FRMD5: variants seen among roughly 807,000 people sequenced by gnomAD.
FRMD5 encodes the protein FERM domain containing 5.
FRMD5 carries 20 observed loss-of-function variants against 69.0 expected under a neutral mutation model. The ratio of observed to expected loss-of-function variants is 0.29; its 90% CI spans 0.20 to 0.42. The LOEUF (loss-of-function observed/expected upper bound fraction) is 0.42. Ranked by LOEUF, FRMD5 falls within the 10% of genes least tolerant of loss-of-function variation. The pLI is 1.00. For synonymous variants in FRMD5, 271 were observed against 260.1 expected (o/e 1.04, Z -0.40); for missense variants, 595 against 708.6 (o/e 0.84, Z 1.82).
chr15:43,878,927 C>CTT (rs1567205006), intron 13 of FRMD5, among the ~76,000 whole-genome samples: 1 of 132,630 alleles, frequency 7.5e-6, no homozygotes, highest in Non-Finnish European at 1.6e-5. Context: ...TTTTTTTTTT[C>CTT]TTTTCTTTTT....
At chr15:44,080,206 T>G (rs1016178190) in intron 1 of FRMD5, among the ~76,000 whole-genome samples, 2 of 152,122 alleles carry the variant, frequency 1.3e-5, no homozygotes, top group African/African-American at 4.8e-5. Flanking sequence ...TTGTTTGAAT[T>G]TCCAAACCCA....
intron 1 of FRMD5, among the ~76,000 whole-genome samples, chr15:44,133,579 A>C (rs1443822798): frequency 3.1e-5 from 4 of 127,458 alleles, no homozygotes; most frequent in Non-Finnish European, 6.0e-5. Context: ...TCTGTCTCAA[A>C]AAAAAAAAAA....
chr15:43,893,616 G>A (rs1595489923), intron 7 of FRMD5, among the ~76,000 whole-genome samples: 2 of 152,342 alleles, frequency 1.3e-5, no homozygotes, highest in South Asian at 2.1e-4. Flanking sequence ...CTGGTCAAAT[G>A]TGCCTGCAGG....
chr15:43,953,093 A>G (rs888669948), intron 1 of FRMD5, among the ~76,000 whole-genome samples: 1 of 152,198 alleles, frequency 6.6e-6, no homozygotes, highest in African/African-American at 2.4e-5. Context: ...TTTAGATGTG[A>G]TAGGAGCCTT....
At chr15:44,064,925 T>C (rs1893246445) in intron 1 of FRMD5, among the ~76,000 whole-genome samples, 2 of 152,164 alleles carry the variant, frequency 1.3e-5, no homozygotes, top group African/African-American at 4.8e-5. Context: ...TATTACACAA[T>C]AAAAACATAG....
chr15:44,052,564 T>C (rs754366372), intron 1 of FRMD5, among the ~76,000 whole-genome samples: 3 of 151,274 alleles, frequency 2.0e-5, no homozygotes, highest in Non-Finnish European at 1.5e-5. Context: ...ATTTCCAGAA[T>C]CAAAATATTG....
At chr15:43,996,617 C>G (rs1889936282) in intron 1 of FRMD5, among the ~76,000 whole-genome samples, 1 of 149,304 alleles carries the variant, frequency 6.7e-6, no homozygotes. Context: ...ATTTCACCAT[C>G]TAGCTGATGT....
chr15:43,967,656 C>A (rs1298563317), intron 1 of FRMD5, among the ~76,000 whole-genome samples: 3 of 152,108 alleles, frequency 2.0e-5, no homozygotes, highest in African/African-American at 4.8e-5. Context: ...CGAGGCTGCA[C>A]TGTTAGTACA....
chr15:43,976,411 G>A (rs923876592), intron 1 of FRMD5, among the ~76,000 whole-genome samples: 5 of 152,158 alleles, frequency 3.3e-5, no homozygotes, highest in Non-Finnish European at 7.4e-5. Context: ...CTTGCATGTA[G>A]AATAAAAAGA....
intron 13 of FRMD5, among the ~76,000 whole-genome samples, chr15:43,882,652 C>T (rs1412115902): frequency 6.6e-6 from 1 of 152,114 alleles, no homozygotes; most frequent in Non-Finnish European, 1.5e-5. Flanking sequence ...AGCCACTGCC[C>T]AGCCAACGGG....
chr15:44,152,862 G>A (rs1175737218), intron 1 of FRMD5, among the ~76,000 whole-genome samples: 3 of 131,066 alleles, frequency 2.3e-5, no homozygotes, highest in South Asian at 5.5e-4. Context: ...TTATTAAACT[G>A]TACTGCAAAT....
At chr15:43,991,113 C>T (rs1889654132) in intron 1 of FRMD5, among the ~76,000 whole-genome samples, 1 of 152,198 alleles carries the variant, frequency 6.6e-6, no homozygotes, top group South Asian at 2.1e-4. Context: ...GGAAGATGGA[C>T]TGTATGACCT....
chr15:44,101,868 C>G (rs1566946550), intron 1 of FRMD5, among the ~76,000 whole-genome samples: 1 of 152,202 alleles, frequency 6.6e-6, no homozygotes. Flanking sequence ...CTGGGCCCAA[C>G]TTTAAGACAG....
chr15:43,884,218 C>T (rs2088607139), intron 12 of FRMD5, among the ~76,000 whole-genome samples: 1 of 152,172 alleles, frequency 6.6e-6, no homozygotes, highest in South Asian at 2.1e-4. Context: ...CAGTAATGCT[C>T]CCCTTCCCAG....
chr15:43,916,848 G>C (rs551414402), intron 4 of FRMD5, among the ~76,000 whole-genome samples: 162 of 149,668 alleles, frequency 1.1e-3, no homozygotes, highest in African/African-American at 3.8e-3. Context: ...GCGTGATCTT[G>C]GCTCACTGCA....
intron 1 of FRMD5, among the ~76,000 whole-genome samples, chr15:44,060,438 A>T (rs772464981): frequency 6.6e-6 from 1 of 152,228 alleles, no homozygotes. Flanking sequence ...TGCACCATAT[A>T]TATCTACAAC....
At chr15:43,956,993 T>G (rs756902802) in intron 1 of FRMD5, among the ~76,000 whole-genome samples, 2 of 152,234 alleles carry the variant, frequency 1.3e-5, no homozygotes, top group African/African-American at 2.4e-5. Flanking sequence ...TATCCACAGG[T>G]AGTTAAGTCA....
chr15:43,906,086 G>A lies in FRMD5; in HGVS notation c.428-135C>T, dbSNP rs887613376. 12 of 1,139,940 alleles carry A rather than the reference G, an allele frequency of 1.1e-5. 1 individual carries two copies. In the East Asian group the frequency reaches 1.3e-4, roughly 12 times the overall value. 70.6% of individuals were successfully genotyped at this position (1,139,940 alleles called of 1,614,324 possible). A position where few individuals can be genotyped will look rare whatever the true frequency, so the allele number is the denominator to read the frequency against. On this transcript the variant is annotated intron_variant, in intron 5 of 13. Coordinates refer to ENST00000417257, the MANE Select transcript of FRMD5 (RefSeq NM_032892.5). Reference sequence around the variant, plus strand: ...ATAAGAAACAGTGGATTCTGAGCACGGCTGTGGGCTGGGCAGAGGGCAGGC... The same window carrying A: ...ATAAGAAACAGTGGATTCTGAGCACAGCTGTGGGCTGGGCAGAGGGCAGGC...
intron 1 of FRMD5, among the ~76,000 whole-genome samples, chr15:44,026,847 G>C (rs768609609): frequency 6.6e-6 from 1 of 152,202 alleles, no homozygotes; most frequent in Non-Finnish European, 1.5e-5. Flanking sequence ...TGTGTGCACA[G>C]ATTAGCTAAA....
Sources: allele counts gnomAD v4.1 joint callset (sites outside exome capture counted in the v4.1 genomes callset), GRCh38; gene constraint gnomAD v4.1.1; transcripts MANE v1.5; gene names NCBI Gene and HGNC (gene_info 2026-07-23, HGNC 2026-07-21).